CD99: variants seen among roughly 807,000 people sequenced by gnomAD.
CD99 encodes CD99 antigen.
In CD99, 19 loss-of-function variants were observed where a neutral mutation model predicts 28.4. The ratio of observed to expected loss-of-function variants is 0.67; its 90% CI spans 0.47 to 0.98. The LOEUF is 0.98. CD99 is among the 50% of genes least tolerant of loss of function. The probability of loss-of-function intolerance (pLI) is 0.00; values close to 1 mark genes in which losing one functional copy is unlikely to be tolerated. For synonymous variants in CD99, 103 were observed against 92.1 expected (o/e 1.12, Z -0.67); for missense variants, 283 against 248.8 (o/e 1.14, Z -0.92).
chrX:2,737,198 G>GAGAC (rs1322833527), intron 8 of CD99, among the ~76,000 whole-genome samples: 8 of 152,158 alleles, frequency 5.3e-5, no homozygotes, highest in African/African-American at 1.7e-4. Context: ...TTTTTATTTT[G>GAGAC]AGACAGTCTT....
chrX:2,733,571 A>G, intron 8 of CD99: 2 of 589,290 alleles, frequency 3.4e-6, no homozygotes, highest in Non-Finnish European at 6.2e-6. Flanking sequence ...TTCTGGATGC[A>G]CAGAAGCTCA....
chrX:2,723,526 C>T, intron 7 of CD99, 162 bp downstream of exon 7: 2 of 753,448 alleles, frequency 2.7e-6, no homozygotes, highest in Admixed American at 4.5e-5. Context: ...GATGTAGCTG[C>T]AGAGGTCCCC....
chrX:2,737,876 TA>T (rs1453819857), intron 8 of CD99: 1 of 499,964 alleles, frequency 2.0e-6, no homozygotes. Flanking sequence ...TTTTTTTTTT[TA>T]TAGAAAGAGC....
At chrX:2,717,553 A>T in intron 2 of CD99, 52 bp from the exon 3 acceptor site, 1 of 1,382,626 alleles carries the variant, frequency 7.2e-7, no homozygotes, top group Non-Finnish European at 1.0e-6. Flanking sequence ...AAGAGTTGAC[A>T]CTTGTTTTCC....
chrX:2,713,363 C>T (rs1448263499), intron 1 of CD99, among the ~76,000 whole-genome samples: 1 of 151,008 alleles, frequency 6.6e-6, no homozygotes, highest in African/African-American at 2.5e-5. Flanking sequence ...CACACTTACA[C>T]AAAACACGCC....
intron 1 of CD99, among the ~76,000 whole-genome samples, chrX:2,708,951 G>A (rs1414805354): frequency 1.3e-5 from 2 of 152,182 alleles, no homozygotes; most frequent in Non-Finnish European, 2.9e-5. Context: ...TCAGTGGAAG[G>A]AACATGAAGT....
chrX:2,719,831 G>A (rs2048911289), intron 4 of CD99, 126 bp downstream of exon 4: 2 of 961,984 alleles, frequency 2.1e-6, no homozygotes, highest in Admixed American at 3.5e-5. Context: ...GAAACCTAGG[G>A]AATAGGTGTG....
chrX:2,730,032 T>C (rs1484176372), intron 8 of CD99, among the ~76,000 whole-genome samples: 1 of 152,146 alleles, frequency 6.6e-6, no homozygotes, highest in Non-Finnish European at 1.5e-5. Context: ...CGCCTGCCTG[T>C]GGTCCCAACT....
intron 8 of CD99, among the ~76,000 whole-genome samples, chrX:2,734,736 C>G (rs1160105420): frequency 1.4e-5 from 2 of 139,486 alleles, no homozygotes; most frequent in Non-Finnish European, 3.2e-5. Flanking sequence ...CTCCGTTTTT[C>G]CTCATTCTTT....
intron 8 of CD99, among the ~76,000 whole-genome samples, chrX:2,726,917 G>A (rs182568558): frequency 5.1e-4 from 78 of 152,256 alleles, no homozygotes; most frequent in Middle Eastern, 6.8e-3. Context: ...GGCGGATCAC[G>A]AGGTCAGGAG....
intron 1 of CD99, among the ~76,000 whole-genome samples, chrX:2,705,306 T>TTAC (rs2048064230): frequency 6.6e-6 from 1 of 152,216 alleles, no homozygotes; most frequent in African/African-American, 2.4e-5. Context: ...ACACATCCTG[T>TTAC]TACTGACGGG....
intron 9 of CD99, 143 bp downstream of exon 9, chrX:2,738,399 T>G: frequency 1.3e-6 from 1 of 776,066 alleles, no homozygotes; most frequent in South Asian, 1.6e-5. Context: ...GTCTCGTTGC[T>G]TTGGAGGGAT....
chrX:2,728,705 C>T (rs945273672), intron 8 of CD99, among the ~76,000 whole-genome samples: 4 of 151,946 alleles, frequency 2.6e-5, no homozygotes, highest in Non-Finnish European at 5.9e-5. Context: ...GTTTGCTTTT[C>T]AATGACATTT....
At chrX:2,692,426 T>G (rs1320973879) in intron 1 of CD99, among the ~76,000 whole-genome samples, 1 of 152,168 alleles carries the variant, frequency 6.6e-6, no homozygotes, top group African/African-American at 2.4e-5. Context: ...CCGATTTGTG[T>G]TGATAGGATC....
chrX:2,734,520 T>C (rs1189286498), intron 8 of CD99, among the ~76,000 whole-genome samples: 4 of 152,010 alleles, frequency 2.6e-5, no homozygotes, highest in Non-Finnish European at 5.9e-5. Context: ...TTGGCCAGGC[T>C]GATCTCGAAC....
intron 1 of CD99, among the ~76,000 whole-genome samples, chrX:2,693,372 AG>A: frequency 6.6e-6 from 1 of 151,990 alleles, no homozygotes; most frequent in Non-Finnish European, 1.5e-5. Context: ...GCAGTGGGAT[AG>A]GGGCATAACA....
At chrX:2,730,115 C>T (rs1224076010) in intron 8 of CD99, among the ~76,000 whole-genome samples, 1 of 152,118 alleles carries the variant, frequency 6.6e-6, no homozygotes, top group Non-Finnish European at 1.5e-5. Context: ...GATTGCACCA[C>T]TGCACTCCAG....
chrX:2,702,646 A>G (rs1378980904), intron 1 of CD99, among the ~76,000 whole-genome samples: 4 of 152,098 alleles, frequency 2.6e-5, no homozygotes, highest in Non-Finnish European at 5.9e-5. Flanking sequence ...TTAGGTAAAC[A>G]TGTGTCATGA....
intron 8 of CD99, among the ~76,000 whole-genome samples, chrX:2,726,693 C>T (rs192012642): frequency 3.0e-5 from 3 of 100,566 alleles, no homozygotes; most frequent in East Asian, 2.4e-4. Context: ...GCAGGAAAGC[C>T]GCTACAAGTT....
Sources: gnomAD v4.1 joint callset for allele counts (sites outside exome capture counted in the v4.1 genomes callset) on GRCh38, gnomAD v4.1.1 for gene constraint, MANE v1.5 for transcripts, NCBI Gene and HGNC (gene_info 2026-07-23, HGNC 2026-07-21) for gene names.